PRLR: variants seen among roughly 807,000 people sequenced by gnomAD.
The protein encoded by PRLR is hPRL receptor.
A neutral mutation model predicts 40.2 loss-of-function variants in PRLR; 13 were observed. The observed-to-expected ratio is 0.32, with a 90% confidence interval of 0.21 to 0.51. PRLR has a LOEUF of 0.51. Among genes scored for constraint, PRLR ranks in the 20% least tolerant of loss-of-function variants. The probability of loss-of-function intolerance (pLI) is 0.97; values close to 1 mark genes in which losing one functional copy is unlikely to be tolerated. For synonymous variants in PRLR, 269 were observed against 278.7 expected (o/e 0.97, Z 0.35); for missense variants, 656 against 747.3 (o/e 0.88, Z 1.42).
chr5:35,100,508 ATACT>A (rs1009211658), intron 2 of PRLR, among the ~76,000 whole-genome samples: 1 of 152,196 alleles, frequency 6.6e-6, no homozygotes, highest in Non-Finnish European at 1.5e-5. Flanking sequence ...AGATACACAA[ATACT>A]TACCATTGTG....
At chr5:35,107,553 A>G (rs1308059249) in intron 2 of PRLR, among the ~76,000 whole-genome samples, 2 of 152,128 alleles carry the variant, frequency 1.3e-5, no homozygotes, top group African/African-American at 4.8e-5. Context: ...TATCACCACC[A>G]ATCCCACAGA....
chr5:35,169,269 C>A (rs796462324), intron 1 of PRLR, among the ~76,000 whole-genome samples: 5 of 152,170 alleles, frequency 3.3e-5, no homozygotes, highest in African/African-American at 1.2e-4. Context: ...GTGTGGCTTG[C>A]GGAAAGACCT....
At chr5:35,197,760 A>G (rs1307825714) in intron 1 of PRLR, among the ~76,000 whole-genome samples, 2 of 152,218 alleles carry the variant, frequency 1.3e-5, no homozygotes, top group Non-Finnish European at 2.9e-5. Flanking sequence ...TGCTCAGATC[A>G]TGCACCTCAG....
intron 1 of PRLR, among the ~76,000 whole-genome samples, chr5:35,222,715 A>C (rs10077702): frequency 0.59 from 88,760 of 151,610 alleles, 27,345 homozygotes; most frequent in Non-Finnish European, 0.69. Context: ...GGGTAGACTC[A>C]CTTTGGGAGT....
At chr5:35,104,265 C>T (rs4703499) in intron 2 of PRLR, among the ~76,000 whole-genome samples, 9,008 of 152,164 alleles carry the variant, frequency 0.059, 626 homozygotes, top group East Asian at 0.18. Flanking sequence ...GGTTCCAAGA[C>T]GGCCAAATAG....
chr5:35,146,996 A>C (rs1774201528), intron 1 of PRLR, among the ~76,000 whole-genome samples: 1 of 152,076 alleles, frequency 6.6e-6, no homozygotes, highest in Admixed American at 6.6e-5. Context: ...ATCTAAACTC[A>C]AGGGCCAAGA....
chr5:35,179,139 C>T (rs1775224313), intron 1 of PRLR, among the ~76,000 whole-genome samples: 2 of 152,220 alleles, frequency 1.3e-5, no homozygotes, highest in Admixed American at 1.3e-4. Context: ...CATCTCACTA[C>T]ATACAGGCTG....
chr5:35,063,082 A>C lies in PRLR; in HGVS notation c.*2007T>G, dbSNP rs991245262. On this transcript the variant is annotated 3_prime_UTR_variant, in exon 10 of 10. Transcript: ENST00000618457. ...TAAGATTCTGCAAATGGAATTTTCA[A>C]ACACTGCCCAGGTGATGCCTATGCA... 2 of 152,238 alleles carry C rather than the reference A, an allele frequency of 1.3e-5. No individual in the cohort carries two copies. Among genetic ancestry groups the C allele is most frequent in the Non-Finnish European group, 2.9e-5 (2 of 68,034 alleles). The allele number at this position is 152,238 out of a possible 1,614,324, so 9.4% of individuals were successfully genotyped here.
At chr5:35,215,046 G>C (rs1246146672) in intron 1 of PRLR, among the ~76,000 whole-genome samples, 1 of 151,758 alleles carries the variant, frequency 6.6e-6, no homozygotes, top group African/African-American at 2.4e-5. Flanking sequence ...AACATAAAAG[G>C]AGCCTAACAA....
intron 2 of PRLR, among the ~76,000 whole-genome samples, chr5:35,114,453 G>A (rs1772887726): frequency 6.6e-6 from 1 of 152,210 alleles, no homozygotes; most frequent in Admixed American, 6.5e-5. Flanking sequence ...GGCAAGGCTT[G>A]ATAAATGCTC....
chr5:35,113,998 GC>G (rs1248131750), intron 2 of PRLR, among the ~76,000 whole-genome samples: 1 of 152,210 alleles, frequency 6.6e-6, no homozygotes, highest in Non-Finnish European at 1.5e-5. Context: ...ATCAGTCTAA[GC>G]TAACCATGGT....
intron 1 of PRLR, among the ~76,000 whole-genome samples, chr5:35,172,699 C>T (rs1344684956): frequency 6.6e-6 from 1 of 152,220 alleles, no homozygotes; most frequent in Non-Finnish European, 1.5e-5. Context: ...CAAATCCCTC[C>T]TCCCGACTGA....
At chr5:35,143,795 T>G (rs1774092432) in intron 1 of PRLR, among the ~76,000 whole-genome samples, 1 of 152,232 alleles carries the variant, frequency 6.6e-6, no homozygotes. Context: ...ATTCACGCAT[T>G]TCTAAGAAAA....
chr5:35,146,290 G>A (rs1774179101), intron 1 of PRLR, among the ~76,000 whole-genome samples: 1 of 152,172 alleles, frequency 6.6e-6, no homozygotes, highest in Non-Finnish European at 1.5e-5. Context: ...CATAGTGTAG[G>A]AAGAAACAGG....
chr5:35,104,607 G>A (rs998677739), intron 2 of PRLR, among the ~76,000 whole-genome samples: 26 of 152,210 alleles, frequency 1.7e-4, no homozygotes, highest in African/African-American at 5.5e-4. Context: ...CTATGCCCAC[G>A]GAGCCTCGCT....
intron 1 of PRLR, among the ~76,000 whole-genome samples, chr5:35,141,236 G>GAAA (rs368097359): frequency 0.083 from 11,626 of 140,736 alleles, 612 homozygotes; most frequent in African/African-American, 0.16. Context: ...CTTAATACCT[G>GAAA]AAAAAAAAAA....
chr5:35,066,499 C>T (rs1769378122), intron 9 of PRLR, among the ~76,000 whole-genome samples: 1 of 152,112 alleles, frequency 6.6e-6, no homozygotes, highest in South Asian at 2.1e-4. Flanking sequence ...CTATCACTTT[C>T]TAGAGTCTGG....
At chr5:35,077,418 A>C (rs892082414) in intron 5 of PRLR, among the ~76,000 whole-genome samples, 3 of 152,228 alleles carry the variant, frequency 2.0e-5, no homozygotes, top group African/African-American at 4.8e-5. Context: ...TCTCTGAGGA[A>C]ACAGACTTGA....
chr5:35,119,386 TCACACACACACACA>T (rs58727265), intron 1 of PRLR, among the ~76,000 whole-genome samples: 1 of 145,660 alleles, frequency 6.9e-6, no homozygotes, highest in Non-Finnish European at 1.5e-5. Flanking sequence ...TCTCTCTCTC[TCACACACACACACA>T]CACACACACA....
Sources: gnomAD v4.1 joint callset for allele counts (sites outside exome capture counted in the v4.1 genomes callset) on GRCh38, gnomAD v4.1.1 for gene constraint, MANE v1.5 for transcripts, NCBI Gene and HGNC (gene_info 2026-07-23, HGNC 2026-07-21) for gene names.